IFI27L2: variants seen among roughly 807,000 people sequenced by gnomAD.
The protein encoded by IFI27L2 is interferon alpha inducible protein 27 like 2.
Under a neutral mutation model 7.9 loss-of-function variants are expected in IFI27L2, and 8 were observed. The ratio of observed to expected loss-of-function variants is 1.02; its 90% confidence interval spans 0.60 to 1.84. The LOEUF is 1.84. Ranked by LOEUF, IFI27L2 falls within the 40% of genes most tolerant of loss-of-function variation. The pLI is 0.00. For synonymous variants in IFI27L2, 56 were observed against 66.5 expected, an observed-to-expected ratio of 0.84 and a Z score of 0.77; for missense variants, 190 against 165.8, an observed-to-expected ratio of 1.15 and a Z score of -0.80.
intron 1 of IFI27L2, 24 bp downstream of exon 1, chr14:94,129,534 G>T (rs1267456029): frequency 1.2e-6 from 2 of 1,611,236 alleles, no homozygotes; most frequent in Non-Finnish European, 1.7e-6. Context: ...CAGCCCGCCA[G>T]CCCCCTGGGG....
At position 94,127,990 on chromosome 14, in the gene IFI27L2, C is replaced by G. The variant is rs142288638; in HGVS notation, c.202G>C (p.Ala68Pro). The change falls in exon 4 of 4, where the codon GCA becomes CCA. Residue 68 changes from alanine (A) to proline (P), a missense_variant and splice_region_variant. Transcript: ENST00000238609. ...SLVATLQSVG[A>P]AGLSTSSNIL... ...TTGGATGATGTGGAGAGTCCAGCTG[C>G]CCCTGTGGAGGAGACAGAGAATGAG... 6.5e-5 allele frequency: 104 copies of G among 1,609,996 alleles called. No individual in the cohort carries two copies. The African/African-American group carries it at 1.2e-3, about 19-fold the overall frequency.
Position 94,129,558 on chromosome 14 carries a change from T to C in IFI27L2, c.7A>G (p.Lys3Glu), listed in dbSNP as rs751324371. Residue 3 changes from lysine to glutamate, a missense_variant and splice_region_variant, in exon 1 of 4, where the codon AAA becomes GAA. By Grantham distance (56) the Lys-to-Glu change is moderately conservative. Transcript: ENST00000238609. MMKRAAAAAVGGA... is the reference protein window; with the variant it reads MMERAAAAAVGGA... Reference sequence around the variant, plus strand: ...AGCCCCCTGGGGAAGCAAGACTCACTCATCATGGTGAGGCCGTCCGGGTCC... The same window carrying C: ...AGCCCCCTGGGGAAGCAAGACTCACCCATCATGGTGAGGCCGTCCGGGTCC... The C allele has an allele frequency of 6.2e-7, 1 of 1,613,070 alleles. No homozygotes were observed. The highest frequency in any genetic ancestry group is 8.5e-7 in the Non-Finnish European group (1 of 1,179,552).
rs1014756612 is a variant in IFI27L2 at position 94,128,792 on chromosome 14, G to A, written c.38-117C>T. On this transcript the variant is annotated intron_variant, in intron 2 of 3. Transcript: ENST00000238609. The stretch of plus-strand genomic sequence containing the variant: ...GGAGACTGTCAGCTTGAGCAATACA[G>A]AGATGGCAACTTAGTGGTCTTCTGG... The A allele has an allele frequency of 3.7e-6, 3 of 805,972 alleles. No individual in the cohort carries two copies. In the Admixed American group the frequency reaches 8.1e-5, roughly 22 times the overall value. The allele number at this position is 805,972 out of a possible 1,614,324, so 49.9% of individuals were successfully genotyped here. A position where few individuals can be genotyped will look rare whatever the true frequency, so the allele number is the denominator to read the frequency against.
In IFI27L2 at chr14:94,129,242, A is replaced by G; in HGVS notation, c.37+20T>C. On this transcript the variant is annotated intron_variant, in intron 2 of 3. Transcript: ENST00000238609. ...CCAGGCTAGGTGAGGGCCTGGAGACAGGCGATCCGGGTAACTTACCTCCTC... is the reference window on the plus strand; with the variant it reads ...CCAGGCTAGGTGAGGGCCTGGAGACGGGCGATCCGGGTAACTTACCTCCTC... 1.2e-6 allele frequency: 2 copies of G among 1,608,922 alleles called. No individual in the cohort carries two copies. The highest frequency in any genetic ancestry group is 1.7e-6 in the Non-Finnish European group (2 of 1,175,904).
At chr14:94,128,296 A>C (rs1887621715) in intron 3 of IFI27L2, 1 of 600,470 alleles carries the variant, frequency 1.7e-6, no homozygotes, top group Admixed American at 2.9e-5. Context: ...CTCTTGGCCT[A>C]GGTTCCTTTC....
Position 94,128,546 on chromosome 14 carries a change from G to A in IFI27L2, c.167C>T (p.Ala56Val), listed in dbSNP as rs772343144. Residue 56 changes from alanine to valine, a missense_variant, in exon 3 of 4, where the codon GCG (alanine) becomes GTG (valine). Coordinates refer to ENST00000238609, the MANE Select transcript of IFI27L2 (RefSeq NM_032036.3). ...CTGCAGAGTAGCCACCAGGCTCCCCGCAGAAACACCACCCCCGTTGGCAAT... is the reference window on the plus strand; with the variant it reads ...CTGCAGAGTAGCCACCAGGCTCCCCACAGAAACACCACCCCCGTTGGCAAT... The part of the protein sequence containing the change: ...AAIANGGGVS[A>V]GSLVATLQSV... 13 of 1,614,036 alleles carry A rather than the reference G, an allele frequency of 8.1e-6. No homozygotes were observed. The highest frequency in any genetic ancestry group is 4.5e-5 in the East Asian group (2 of 44,898).
chr14:94,128,712 CAGG>C, intron 2 of IFI27L2, 37 bp from the exon 3 acceptor site: 2 of 1,567,330 alleles, frequency 1.3e-6, no homozygotes, highest in East Asian at 2.3e-5. Context: ...GAGGTGGGCT[CAGG>C]AGAAGGGACC....
At chr14:94,128,476 C>T (rs1887624992) in intron 3 of IFI27L2, 38 bp downstream of exon 3, 2 of 1,603,222 alleles carry the variant, frequency 1.2e-6, no homozygotes, top group Non-Finnish European at 8.5e-7. Context: ...AGGGCTGGAT[C>T]TTCTCGCAGC....
At position 94,128,505 on chromosome 14, in the gene IFI27L2, G is replaced by A. The variant is rs1387718200; in HGVS notation, c.199+9C>T. The A allele has an allele frequency of 1.1e-5, 17 of 1,613,724 alleles. No individual in the cohort carries two copies. Among genetic ancestry groups the A allele is most frequent in the Non-Finnish European group, 1.4e-5 (17 of 1,179,678 alleles). On this transcript the variant is annotated intron_variant, in intron 3 of 3. Coordinates refer to ENST00000238609, the MANE Select transcript of IFI27L2 (RefSeq NM_032036.3). ...TCGCAGCTCTGGTGGTCCTGTCTAGGACACTTACCCACGGACTGCAGAGTA... is the reference window on the plus strand; with the variant it reads ...TCGCAGCTCTGGTGGTCCTGTCTAGAACACTTACCCACGGACTGCAGAGTA...
chr14:94,129,070 A>G, intron 2 of IFI27L2, 192 bp downstream of exon 2: 1 of 599,328 alleles, frequency 1.7e-6, no homozygotes, highest in Non-Finnish European at 3.0e-6. Context: ...TAAGGACTAG[A>G]AGAGAAGCTG....
chr14:94,128,002 A>G lies in IFI27L2; in HGVS notation c.200-10T>C. On this transcript the variant is annotated splice_polypyrimidine_tract_variant and intron_variant, in intron 3 of 3. Coordinates refer to ENST00000238609, the MANE Select transcript of IFI27L2 (RefSeq NM_032036.3). The stretch of plus-strand genomic sequence containing the variant: ...GAGAGTCCAGCTGCCCCTGTGGAGG[A>G]GACAGAGAATGAGCACAGGGGTCGG... The G allele has an allele frequency of 6.2e-7, 1 of 1,603,018 alleles. No individual in the cohort carries two copies.
intron 3 of IFI27L2, 114 bp from the exon 4 acceptor site, chr14:94,128,106 T>A: frequency 1.5e-6 from 1 of 677,120 alleles, no homozygotes; most frequent in Non-Finnish European, 2.6e-6. Context: ...TAGAAGCTGC[T>A]AGAGGCAACT....
At position 94,128,662 on chromosome 14, in the gene IFI27L2, C is replaced by T. The variant is rs1887629664; in HGVS notation, c.51G>A (p.Gly17=). 6.2e-7 allele frequency: 1 copy of T among 1,612,524 alleles called. No homozygotes were observed. The highest frequency in any genetic ancestry group is 8.5e-7 in the Non-Finnish European group (1 of 1,179,376). The part of the protein sequence containing the change: ...AAAVGGALAV[G]AVPVVLSAMG... ...TGGCACTGAGCACCACGGGCACAGC[C>T]CCCACTGCCAGGGCTGTGGGGAGAG... The change falls in exon 3 of 4, where the codon GGG becomes GGA. Residue 17 remains glycine (G), a synonymous_variant. Transcript: ENST00000238609.
chr14:94,129,391 C>A (rs1439004541), intron 1 of IFI27L2, 100 bp from the exon 2 acceptor site: 1 of 378,762 alleles, frequency 2.6e-6, no homozygotes, highest in Non-Finnish European at 4.5e-6. Flanking sequence ...AAGCAAGGAG[C>A]GGAGGGAGGA....
rs759152007 is a variant in IFI27L2 at position 94,129,259 on chromosome 14, T to C, written c.37+3A>G. On this transcript the variant is annotated splice_donor_region_variant and intron_variant, in intron 2 of 3. Transcript: ENST00000238609. ...CTGGAGACAGGCGATCCGGGTAACT[T>C]ACCTCCTCCCACTGCAGCAGCAGCT... is the stretch of plus-strand genomic sequence containing the variant. 9 of 1,612,018 alleles carry C rather than the reference T, an allele frequency of 5.6e-6. No homozygotes were observed. The highest frequency in any genetic ancestry group is 7.6e-6 in the Non-Finnish European group (9 of 1,178,978).
intron 2 of IFI27L2, 118 bp downstream of exon 2, chr14:94,129,144 C>T (rs1021154173): frequency 1.3e-6 from 1 of 755,730 alleles, no homozygotes. Flanking sequence ...TCAGGCTACT[C>T]GGGCAGCTTC....
rs766282299 is a variant in IFI27L2 at position 94,127,886 on chromosome 14, G to C, written c.306C>G (p.Pro102=). 1 of 1,613,858 alleles carries C rather than the reference G, an allele frequency of 6.2e-7. No individual in the cohort carries two copies. The highest frequency in any genetic ancestry group is 2.2e-5 in the East Asian group (1 of 44,880). The change falls in exon 4 of 4, where the codon CCC becomes CCG. Residue 102 remains proline, a synonymous_variant. Transcript: ENST00000238609. ...NSPSSSLPAE[P]EAKEDEAREN... ...CTCTTGCCTCATCTTCTTTAGCCTCGGGTTCAGCTGGGAGAGAAGAAGAAG... is the reference window on the plus strand; with the variant it reads ...CTCTTGCCTCATCTTCTTTAGCCTCCGGTTCAGCTGGGAGAGAAGAAGAAG...
Position 94,129,573 on chromosome 14 carries a change from C to G in IFI27L2, c.-9G>C, listed in dbSNP as rs1328942186. 1.9e-6 allele frequency: 3 copies of G among 1,613,796 alleles called. No individual in the cohort carries two copies. Among genetic ancestry groups the G allele is most frequent in the Non-Finnish European group, 2.5e-6 (3 of 1,179,790 alleles). ...CAAGACTCACTCATCATGGTGAGGC[C>G]GTCCGGGTCCCAACTTGGCCCAGGA... is the stretch of plus-strand genomic sequence containing the variant. On this transcript the variant is annotated 5_prime_UTR_variant, in exon 1 of 4. Coordinates refer to ENST00000238609, the MANE Select transcript of IFI27L2 (RefSeq NM_032036.3).
chr14:94,128,650 C>T lies in IFI27L2; in HGVS notation c.63G>A (p.Val21=), dbSNP rs757363423. 14 of 1,613,358 alleles carry T rather than the reference C, an allele frequency of 8.7e-6. No individual in the cohort carries two copies. The Admixed American group carries it at 2.3e-4, about 27-fold the overall frequency. The stretch of plus-strand genomic sequence containing the variant: ...CAGTGAAGCCCATGGCACTGAGCAC[C>T]ACGGGCACAGCCCCCACTGCCAGGG... The part of the protein sequence containing the change: ...GGALAVGAVP[V]VLSAMGFTGA... The change falls in exon 3 of 4, where the codon GTG becomes GTA. Residue 21 remains valine (V), a synonymous_variant. Coordinates refer to ENST00000238609, the MANE Select transcript of IFI27L2 (RefSeq NM_032036.3).
Sources: gnomAD v4.1 joint callset for allele counts on GRCh38, gnomAD v4.1.1 for gene constraint, MANE v1.5 for transcripts, NCBI Gene and HGNC (gene_info 2026-07-23, HGNC 2026-07-21) for gene names.